Variants in REEP1 observed in about 807,000 individuals in gnomAD.
REEP1 encodes the protein receptor accessory protein 1, also known as receptor expression-enhancing protein 1.
In REEP1, 22 loss-of-function variants were observed where a neutral mutation model predicts 40.3. The observed-to-expected ratio is 0.55, with a 90% CI of 0.39 to 0.78. REEP1 has a LOEUF of 0.78. Among genes scored for constraint, REEP1 ranks in the 30% least tolerant of loss-of-function variants. The pLI is 0.00. For missense variants in REEP1, 280 were observed against 361.1 expected, an observed-to-expected ratio of 0.78 and a Z score of 1.82; for synonymous variants, 116 against 139.2, an observed-to-expected ratio of 0.83 and a Z score of 1.17.
chr2:86,256,122 G>A, intron 3 of REEP1, among the ~76,000 whole-genome samples: 1 of 152,058 alleles, frequency 6.6e-6, no homozygotes, highest in East Asian at 1.9e-4. Context: ...GAAGAGGTGG[G>A]TGGATCACAA....
At chr2:86,322,812 C>T (rs761022992) in intron 1 of REEP1, among the ~76,000 whole-genome samples, 15 of 152,000 alleles carry the variant, frequency 9.9e-5, no homozygotes, top group Non-Finnish European at 1.6e-4. Context: ...CCTAACTACT[C>T]GAGAGGCTGA....
intron 1 of REEP1, among the ~76,000 whole-genome samples, chr2:86,298,748 T>C (rs1679116633): frequency 6.6e-6 from 1 of 152,220 alleles, no homozygotes; most frequent in Non-Finnish European, 1.5e-5. Context: ...AGAATAGTCA[T>C]GGACAGTCAC....
intron 1 of REEP1, among the ~76,000 whole-genome samples, chr2:86,303,327 G>C (rs1226348763): frequency 1.4e-5 from 2 of 146,042 alleles, no homozygotes; most frequent in African/African-American, 5.1e-5. Context: ...AGTGATTCTC[G>C]TGCCTCAGGC....
chr2:86,230,648 A>G (rs999547802), intron 6 of REEP1, among the ~76,000 whole-genome samples: 2 of 152,236 alleles, frequency 1.3e-5, no homozygotes, highest in African/African-American at 2.4e-5. Flanking sequence ...TACAAAAAGA[A>G]CAATGATAAC....
chr2:86,294,120 A>G (rs1678860655), intron 1 of REEP1, among the ~76,000 whole-genome samples: 1 of 152,226 alleles, frequency 6.6e-6, no homozygotes, highest in African/African-American at 2.4e-5. Flanking sequence ...AATAGAAAGT[A>G]GAATGGTGGT....
At chr2:86,276,281 C>T (rs909574293) in intron 2 of REEP1, among the ~76,000 whole-genome samples, 12 of 152,230 alleles carry the variant, frequency 7.9e-5, no homozygotes, top group African/African-American at 2.9e-4. Context: ...CAGGTTCATT[C>T]CACCAGGCCC....
chr2:86,272,952 G>C (rs6748079), intron 2 of REEP1, among the ~76,000 whole-genome samples: 1 of 151,884 alleles, frequency 6.6e-6, no homozygotes, highest in Non-Finnish European at 1.5e-5. Flanking sequence ...GTGAAACCCC[G>C]TCTCTATAAA....
rs1238493810 is a variant in REEP1 at position 86,254,703 on chromosome 2, T to C, written c.294A>G (p.Ser98=). 6.2e-7 allele frequency: 1 copy of C among 1,613,726 alleles called. No individual in the cohort carries two copies. The highest frequency in any genetic ancestry group is 1.7e-5 in the Admixed American group (1 of 60,024). The change falls in exon 4 of 9, where the codon TCA becomes TCG. Residue 98 remains serine (S), a synonymous_variant. Transcript: ENST00000538924. ...YRKFVHPTLS[S]KEKEIDDCLV... is the part of the protein sequence containing the mutation. ...TGGCAGCATATATTACCTTTTCTTTTGAAGATAGCGTGGGATGTACAAACT... is the reference window on the plus strand; with the variant it reads ...TGGCAGCATATATTACCTTTTCTTTCGAAGATAGCGTGGGATGTACAAACT...
chr2:86,249,348 C>T (rs1027181851), intron 5 of REEP1, among the ~76,000 whole-genome samples: 2 of 152,130 alleles, frequency 1.3e-5, no homozygotes, highest in Non-Finnish European at 2.9e-5. Flanking sequence ...CCGGCCTCCC[C>T]CTCCCCGCTG....
chr2:86,324,785 A>T (rs1680426776), intron 1 of REEP1, among the ~76,000 whole-genome samples: 1 of 152,158 alleles, frequency 6.6e-6, no homozygotes, highest in Non-Finnish European at 1.5e-5. Flanking sequence ...ACCCTAACAA[A>T]ACCTGTGCAA....
chr2:86,317,415 C>T (rs1032408463), intron 1 of REEP1, among the ~76,000 whole-genome samples: 2 of 152,154 alleles, frequency 1.3e-5, no homozygotes. Flanking sequence ...TTCTCTGTAT[C>T]ATCTACAGAC....
At chr2:86,238,531 C>T (rs559966582) in intron 5 of REEP1, among the ~76,000 whole-genome samples, 47 of 152,318 alleles carry the variant, frequency 3.1e-4, no homozygotes, top group African/African-American at 1.1e-3. Context: ...CATGAATGAA[C>T]GTATGACCAT....
chr2:86,243,288 GAC>G (rs987672772), intron 5 of REEP1, among the ~76,000 whole-genome samples: 17 of 152,164 alleles, frequency 1.1e-4, no homozygotes, highest in African/African-American at 3.6e-4. Flanking sequence ...ACAGCCAAGA[GAC>G]AGCCCTTCCC....
chr2:86,284,051 G>T (rs1678248891), intron 1 of REEP1, among the ~76,000 whole-genome samples: 1 of 152,124 alleles, frequency 6.6e-6, no homozygotes, highest in Admixed American at 6.5e-5. Context: ...AGAGAGGGTA[G>T]TGCCAAAGAC....
chr2:86,326,867 T>C (rs942150928), intron 1 of REEP1, among the ~76,000 whole-genome samples: 9 of 152,246 alleles, frequency 5.9e-5, no homozygotes, highest in Non-Finnish European at 1.3e-4. Flanking sequence ...ATTTATCTTC[T>C]AGCCACCCAC....
intron 1 of REEP1, among the ~76,000 whole-genome samples, chr2:86,294,556 T>C (rs1180408008): frequency 6.6e-6 from 1 of 152,194 alleles, no homozygotes; most frequent in Non-Finnish European, 1.5e-5. Flanking sequence ...TTTTCAAACA[T>C]CTCAATTTAT....
rs2103949785 is a variant in REEP1, at chr2:86,217,767, G to A, written c.784-657C>T. On this transcript the variant is annotated intron_variant, in intron 8 of 8. Transcript: ENST00000538924. ...AGATTCAAAATGCTCCTATGAGCAT[G>A]ACCTTTGTGCGTCTTGTCCACACTC... Among the ~76,000 whole-genome samples, 3 of 146,366 alleles carry A rather than the reference G, an allele frequency of 2.0e-5. No homozygotes were observed. In the Admixed American group the frequency reaches 2.1e-4, roughly 10 times the overall value.
At chr2:86,294,814 A>G (rs530918009) in intron 1 of REEP1, among the ~76,000 whole-genome samples, 2 of 152,256 alleles carry the variant, frequency 1.3e-5, no homozygotes, top group East Asian at 3.9e-4. Flanking sequence ...GCTTGGTTAT[A>G]AATAATTGTG....
At chr2:86,307,456 T>C (rs1246288187) in intron 1 of REEP1, among the ~76,000 whole-genome samples, 1 of 152,136 alleles carries the variant, frequency 6.6e-6, no homozygotes, top group Non-Finnish European at 1.5e-5. Flanking sequence ...CTAGAATGGA[T>C]ACAGCCATTA....
Sources: gnomAD v4.1 joint callset for allele counts (sites outside exome capture counted in the v4.1 genomes callset) on GRCh38, gnomAD v4.1.1 for gene constraint, MANE v1.5 for transcripts, NCBI Gene and HGNC (gene_info 2026-07-23, HGNC 2026-07-21) for gene names.